ATP2B2: variants seen among roughly 807,000 people sequenced by gnomAD.
ATP2B2 encodes plasma membrane calcium-transporting ATPase 2.
A neutral mutation model predicts 120.0 loss-of-function variants in ATP2B2; 15 were observed. The ratio of observed to expected loss-of-function variants is 0.12; its 90% CI spans 0.08 to 0.19. The LOEUF (loss-of-function observed/expected upper bound fraction) is 0.19. Ranked by LOEUF, ATP2B2 falls within the 10% of genes least tolerant of loss-of-function variation. ATP2B2 has a pLI of 1.00. For synonymous variants in ATP2B2, 694 were observed against 700.3 expected, an observed-to-expected ratio of 0.99 and a Z score of 0.14; for missense variants, 1,045 against 1,719.8, an observed-to-expected ratio of 0.61 and a Z score of 6.94.
rs746518200 is a variant in ATP2B2, at chr3:10,485,739, C to T, written c.-320+19726G>A. Among the ~76,000 whole-genome samples, 13 of 152,116 alleles carry T rather than the reference C, an allele frequency of 8.5e-5. No individual in the cohort carries two copies. In the South Asian group the frequency reaches 1.2e-3, roughly 15 times the overall value. On this transcript the variant is annotated intron_variant, in intron 1 of 22. Coordinates refer to ENST00000360273, the MANE Select transcript of ATP2B2 (RefSeq NM_001001331.4). Reference sequence around the variant, plus strand: ...GGGTCTGAGGTCTGGATGTTTTGTGCGGTGGGGGCTTCCTGGCTCTGGCTC... The same window carrying T: ...GGGTCTGAGGTCTGGATGTTTTGTGTGGTGGGGGCTTCCTGGCTCTGGCTC...
chr3:10,378,621 C>A (rs551594573), intron 9 of ATP2B2, among the ~76,000 whole-genome samples: 2 of 152,320 alleles, frequency 1.3e-5, no homozygotes, highest in African/African-American at 2.4e-5. Context: ...GTACTCGCTG[C>A]CTCAGACCTG....
At chr3:10,665,918 TAG>T (rs1234783352) in intron 1 of ATP2B2, among the ~76,000 whole-genome samples, 1 of 152,194 alleles carries the variant, frequency 6.6e-6, no homozygotes, top group African/African-American at 2.4e-5. Context: ...CAGAAAAACC[TAG>T]AGAGGGATTC....
At chr3:10,563,980 G>C (rs975834345) in intron 2 of ATP2B2, among the ~76,000 whole-genome samples, 2 of 152,188 alleles carry the variant, frequency 1.3e-5, no homozygotes, top group Admixed American at 1.3e-4. Context: ...GTTCCACCTT[G>C]TAACTACAGC....
At chr3:10,481,473 C>T (rs2065409535) in intron 1 of ATP2B2, among the ~76,000 whole-genome samples, 1 of 152,210 alleles carries the variant, frequency 6.6e-6, no homozygotes, top group Non-Finnish European at 1.5e-5. Flanking sequence ...GAGAGCCCTG[C>T]CCTGAACACC....
rs76030300 is a variant in ATP2B2, at chr3:10,629,375, C to T, written c.-459-9414G>A. On this transcript the variant is annotated intron_variant, in intron 1 of 21. Transcript: ENST00000646379. ...TACATTATCTGGGTACATACATTAT[C>T]TGGGTAAATACATTTTAAGGAGGAG... Among the ~76,000 whole-genome samples the T allele has an allele frequency of 5.9e-4, 90 of 151,532 alleles. No homozygotes were observed. The East Asian group carries it at 0.012, about 20-fold the overall frequency.
chr3:10,666,977 C>T (rs2070957174), intron 1 of ATP2B2, among the ~76,000 whole-genome samples: 1 of 152,252 alleles, frequency 6.6e-6, no homozygotes, highest in African/African-American at 2.4e-5. Context: ...AGGACTATTT[C>T]TTCCACTCCT....
At chr3:10,384,613 C>G (rs2061620750) in intron 8 of ATP2B2, among the ~76,000 whole-genome samples, 1 of 152,140 alleles carries the variant, frequency 6.6e-6, no homozygotes, top group African/African-American at 2.4e-5. Flanking sequence ...TCTCCCCCAC[C>G]CTCCACCCCT....
intron 22 of ATP2B2, 31 bp downstream of exon 22, chr3:10,338,145 C>A: frequency 6.2e-7 from 1 of 1,613,132 alleles, no homozygotes; most frequent in Non-Finnish European, 8.5e-7. Flanking sequence ...CCCGGCCAGG[C>A]CTGGGCCCAG....
chr3:10,405,529 G>T (rs1439731814), intron 3 of ATP2B2, among the ~76,000 whole-genome samples: 2 of 152,164 alleles, frequency 1.3e-5, no homozygotes, highest in Admixed American at 1.3e-4. Context: ...AGGGAGAAGA[G>T]AATAGGAAGG....
intron 5 of ATP2B2, among the ~76,000 whole-genome samples, chr3:10,395,644 A>G (rs1319395101): frequency 1.3e-5 from 2 of 152,220 alleles, no homozygotes; most frequent in Admixed American, 6.5e-5. Flanking sequence ...TTAAAATACA[A>G]AGCTAAAAAA....
Position 10,342,227 on chromosome 3 carries a change from G to A in ATP2B2, c.2917+525C>T, listed in dbSNP as rs577449601. On this transcript the variant is annotated intron_variant, in intron 19 of 22. Coordinates refer to ENST00000360273, the MANE Select transcript of ATP2B2 (RefSeq NM_001001331.4). The surrounding 1 kb of genome is among the most constrained non-coding windows in gnomAD (Gnocchi z 4.4). ...CACCTCTCTGAGCCTTGGTGCCCTC[G>A]TTTGTAATGTGGGGTGGAGGCAAAT... is the stretch of plus-strand genomic sequence containing the variant. Among the ~76,000 whole-genome samples, 9 of 152,336 alleles carry A rather than the reference G, an allele frequency of 5.9e-5. No homozygotes were observed. In the South Asian group the frequency reaches 6.2e-4, roughly 11 times the overall value.
chr3:10,466,773 C>T (rs1283716474), intron 1 of ATP2B2, among the ~76,000 whole-genome samples: 1 of 152,212 alleles, frequency 6.6e-6, no homozygotes, highest in African/African-American at 2.4e-5. Flanking sequence ...AGATGCTTTT[C>T]AGTTTTAAGC....
chr3:10,576,618 A>T (rs1193365894), intron 2 of ATP2B2, among the ~76,000 whole-genome samples: 1 of 151,924 alleles, frequency 6.6e-6, no homozygotes, highest in Non-Finnish European at 1.5e-5. Context: ...GGCCTCAAGT[A>T]ATCCTCCTGC....
chr3:10,529,405 T>C (rs576814732), intron 3 of ATP2B2, among the ~76,000 whole-genome samples: 6 of 152,312 alleles, frequency 3.9e-5, no homozygotes, highest in Admixed American at 2.0e-4. Flanking sequence ...GTCTAGCATA[T>C]AGTTGTGCTG....
chr3:10,432,662 G>A (rs143540805), intron 2 of ATP2B2, among the ~76,000 whole-genome samples: 4 of 152,382 alleles, frequency 2.6e-5, no homozygotes, highest in East Asian at 1.9e-4. Flanking sequence ...TCTCACTCAC[G>A]TGTCCTTGAG....
At chr3:10,657,735 C>T (rs999946845) in intron 1 of ATP2B2, among the ~76,000 whole-genome samples, 4 of 152,206 alleles carry the variant, frequency 2.6e-5, no homozygotes, top group African/African-American at 9.6e-5. Context: ...TGTCTGACAG[C>T]TTTGAAGAGA....
intron 2 of ATP2B2, among the ~76,000 whole-genome samples, chr3:10,429,964 C>T (rs1207477621): frequency 6.6e-6 from 1 of 152,182 alleles, no homozygotes; most frequent in Non-Finnish European, 1.5e-5. Context: ...CCCTAACTCT[C>T]TTCAATTCCA....
intron 1 of ATP2B2, among the ~76,000 whole-genome samples, chr3:10,645,137 T>C (rs2125656966): frequency 6.6e-6 from 1 of 152,216 alleles, no homozygotes; most frequent in East Asian, 1.9e-4. Context: ...TGTGTGACTA[T>C]GGTAAAGCAA....
chr3:10,351,723 C>G (rs768816593), intron 14 of ATP2B2, among the ~76,000 whole-genome samples: 1 of 152,186 alleles, frequency 6.6e-6, no homozygotes, highest in Non-Finnish European at 1.5e-5. Context: ...ACGGTAAGCC[C>G]TAATCCAACA....
Sources: allele counts gnomAD v4.1 joint callset (sites outside exome capture counted in the v4.1 genomes callset), GRCh38; gene constraint gnomAD v4.1.1; non-coding constraint Gnocchi (gnomAD v3.1); transcripts MANE v1.5; gene names NCBI Gene and HGNC (gene_info 2026-07-23, HGNC 2026-07-21).